Variants in CFAP61 observed in about 807,000 individuals in gnomAD.
The protein encoded by CFAP61 is cilia and flagella associated protein 61, also known as cilia- and flagella-associated protein 61.
A neutral mutation model predicts 135.6 loss-of-function variants in CFAP61; 107 were observed. That is an observed-to-expected ratio of 0.79 (90% CI 0.67 to 0.93). The LOEUF is 0.93. Ranked by LOEUF, CFAP61 falls within the 40% of genes least tolerant of loss-of-function variation. The pLI is 0.00. For missense variants in CFAP61, 1,507 were observed against 1,556.2 expected (o/e 0.97, Z 0.53); for synonymous variants, 575 against 578.5 (o/e 0.99, Z 0.09).
rs564304874 is a variant in CFAP61, at chr20:20,189,187, A to G, written c.1512+1131A>G. On this transcript the variant is annotated intron_variant, in intron 14 of 26. Transcript: ENST00000245957. ...GCCAAACACCTAAACATAATGTCAT[A>G]TACACAAATGTTTACTATTTATAAA... Among the ~76,000 whole-genome samples the G allele has an allele frequency of 1.1e-4, 16 of 152,336 alleles. 1 individual carries two copies. The highest frequency in any genetic ancestry group is 9.8e-4 in the Admixed American group (15 of 15,294).
intron 22 of CFAP61, among the ~76,000 whole-genome samples, chr20:20,277,751 C>T (rs1927333): frequency 0.18 from 27,952 of 152,204 alleles, 3,041 homozygotes; most frequent in Middle Eastern, 0.3. Context: ...CTTGAGGTCG[C>T]TCATGCGGCT....
chr20:20,323,203 C>T (rs1004635282), intron 25 of CFAP61: 5 of 985,248 alleles, frequency 5.1e-6, no homozygotes, highest in East Asian at 1.1e-4. Flanking sequence ...ATGGAATAAA[C>T]GGATCTCATT....
intron 6 of CFAP61, among the ~76,000 whole-genome samples, chr20:20,087,724 T>C (rs2046905614): frequency 6.6e-6 from 1 of 152,162 alleles, no homozygotes; most frequent in Non-Finnish European, 1.5e-5. Context: ...ATAACCCTTT[T>C]TTAACGTTTG....
In CFAP61 at chr20:20,288,885, C is replaced by G. The variant is rs527867117; in HGVS notation, c.3073C>G (p.Pro1025Ala). The change falls in exon 23 of 27, where the codon CCA (proline) becomes GCA (alanine). Residue 1025 changes from proline (P) to alanine (A), a missense_variant. Pro to Ala is a conservative substitution (Grantham distance 27, BLOSUM62 -1). Coordinates refer to ENST00000245957, the MANE Select transcript of CFAP61 (RefSeq NM_015585.4). ...DPTLEPVTEPPANLDRLIPMY... is the reference protein window; with the variant it reads ...DPTLEPVTEPAANLDRLIPMY... ...AACCCTTGAGCCTGTGACCGAGCCA[C>G]CAGCTAATCTTGACCGGCTCATCCC... 14 of 1,613,510 alleles carry G rather than the reference C, an allele frequency of 8.7e-6. No homozygotes were observed. In the African/African-American group the frequency reaches 1.5e-4, roughly 17 times the overall value.
chr20:20,245,164 G>GT (rs1000964381), intron 18 of CFAP61, among the ~76,000 whole-genome samples: 35 of 152,268 alleles, frequency 2.3e-4, no homozygotes, highest in South Asian at 8.3e-4. Context: ...ACCTCTGCCT[G>GT]TTACCCAGTT....
chr20:20,347,200 T>A lies in CFAP61; in HGVS notation c.3513+5279T>A, dbSNP rs114378831. On this transcript the variant is annotated intron_variant, in intron 26 of 26. Coordinates refer to ENST00000245957, the MANE Select transcript of CFAP61 (RefSeq NM_015585.4). ...AAGGGATATTAGAAATGCTAATAGA[T>A]GAATGAAAACTAAGATACAACATAC... 5.0e-3 allele frequency among the ~76,000 whole-genome samples: 754 copies of A among 152,240 alleles called. 3 individuals carry two copies. The highest frequency in any genetic ancestry group is 0.016 in the African/African-American group (673 of 41,534).
intron 13 of CFAP61, chr20:20,172,267 T>G (rs2054277950): frequency 2.0e-6 from 2 of 984,566 alleles, no homozygotes; most frequent in Non-Finnish European, 2.4e-6. Context: ...AGATGGTGAC[T>G]GACTTTGCAT....
chr20:20,290,728 G>A (rs1455542939), intron 24 of CFAP61, among the ~76,000 whole-genome samples: 5 of 152,220 alleles, frequency 3.3e-5, no homozygotes, highest in South Asian at 4.1e-4. Flanking sequence ...CTGTAGGGAC[G>A]CCTTTAGAGA....
chr20:20,162,251 C>T (rs2053464518), intron 10 of CFAP61, among the ~76,000 whole-genome samples: 1 of 152,190 alleles, frequency 6.6e-6, no homozygotes, highest in Non-Finnish European at 1.5e-5. Context: ...CTAGGAGCAT[C>T]TCCTCATCAT....
chr20:20,293,520 C>A (rs2055162152), intron 24 of CFAP61, among the ~76,000 whole-genome samples: 1 of 152,150 alleles, frequency 6.6e-6, no homozygotes, highest in Non-Finnish European at 1.5e-5. Context: ...CCAAAATGGT[C>A]AGGCAGTCAC....
chr20:20,054,875 TGAAG>T (rs1398985593), intron 1 of CFAP61, among the ~76,000 whole-genome samples: 2 of 152,264 alleles, frequency 1.3e-5, no homozygotes, highest in African/African-American at 4.8e-5. Context: ...TGCTCTGAAC[TGAAG>T]GTTCATGTCT....
chr20:20,294,211 C>T (rs912862078), intron 24 of CFAP61, among the ~76,000 whole-genome samples: 28 of 152,228 alleles, frequency 1.8e-4, no homozygotes, highest in East Asian at 3.9e-4. Flanking sequence ...AGGTGCCCTA[C>T]GGCATCACTT....
chr20:20,209,237 A>G (rs888664050), intron 17 of CFAP61, among the ~76,000 whole-genome samples: 1 of 152,134 alleles, frequency 6.6e-6, no homozygotes, highest in Non-Finnish European at 1.5e-5. Context: ...CAGTTCCCTC[A>G]TGTTGGTTAA....
At chr20:20,290,087 A>G (rs1281448423) in intron 23 of CFAP61, among the ~76,000 whole-genome samples, 1 of 152,228 alleles carries the variant, frequency 6.6e-6, no homozygotes, top group Non-Finnish European at 1.5e-5. Context: ...AATGGCGGCT[A>G]CATTATGGGA....
chr20:20,102,432 G>C (rs926156324), intron 8 of CFAP61, among the ~76,000 whole-genome samples: 11 of 152,198 alleles, frequency 7.2e-5, no homozygotes, highest in Admixed American at 5.9e-4. Context: ...TCCCCCAAGG[G>C]ATTAAGTTTC....
intron 25 of CFAP61, among the ~76,000 whole-genome samples, chr20:20,306,923 T>C (rs895925790): frequency 5.3e-5 from 8 of 152,194 alleles, no homozygotes; most frequent in East Asian, 1.9e-4. Context: ...ACAAATCATA[T>C]AGTGTGAGAC....
chr20:20,205,987 A>G (rs2146905532), intron 17 of CFAP61, among the ~76,000 whole-genome samples: 1 of 145,954 alleles, frequency 6.9e-6, no homozygotes, highest in African/African-American at 2.6e-5. Flanking sequence ...CTACAGGTTT[A>G]TTTTTTGGGG....
At chr20:20,200,781 A>G (rs1472604000) in intron 17 of CFAP61, 1 of 985,244 alleles carries the variant, frequency 1.0e-6, no homozygotes, top group Non-Finnish European at 1.2e-6. Context: ...ACCTCGCAAT[A>G]CGCTCGGCGC....
intron 6 of CFAP61, among the ~76,000 whole-genome samples, chr20:20,082,877 T>A (rs1412167870): frequency 6.6e-6 from 1 of 152,142 alleles, no homozygotes; most frequent in African/African-American, 2.4e-5. Context: ...AAAAGAACAC[T>A]TTTACGCTGC....
Sources: allele counts gnomAD v4.1 joint callset (sites outside exome capture counted in the v4.1 genomes callset), GRCh38; gene constraint gnomAD v4.1.1; transcripts MANE v1.5; gene names NCBI Gene and HGNC (gene_info 2026-07-23, HGNC 2026-07-21).